The following TNS1 variants were observed in gnomAD, a reference collection of about 807,000 sequenced individuals.
TNS1 encodes tensin 1, also known as tensin-1.
Under a neutral mutation model 168.6 loss-of-function variants are expected in TNS1, and 62 were observed. That is an observed-to-expected ratio of 0.37 (90% CI 0.30 to 0.45). The LOEUF (loss-of-function observed/expected upper bound fraction) is 0.45, where lower values mean the gene tolerates loss of function less well. TNS1 is among the 20% of genes least tolerant of loss of function. The pLI is 1.00. For synonymous variants in TNS1, 934 were observed against 933.2 expected, an observed-to-expected ratio of 1.00 and a Z score of -0.02; for missense variants, 2,240 against 2,339.4, an observed-to-expected ratio of 0.96 and a Z score of 0.88.
intron 19 of TNS1, among the ~76,000 whole-genome samples, chr2:217,845,762 T>A (rs1305817839): frequency 6.6e-6 from 1 of 152,202 alleles, no homozygotes; most frequent in African/African-American, 2.4e-5. Context: ...CACTACAAGA[T>A]GGGCATCCTC....
At chr2:217,938,023 C>CACCTCTACGTG (rs1180893567) in intron 3 of TNS1, among the ~76,000 whole-genome samples, 2 of 152,260 alleles carry the variant, frequency 1.3e-5, no homozygotes, top group East Asian at 1.9e-4. Context: ...AGATAAGGCC[C>CACCTCTACGTG]ACCTCTACAT....
At chr2:217,905,362 C>A in intron 6 of TNS1, 3 of 450,516 alleles carry the variant, frequency 6.7e-6, no homozygotes, top group South Asian at 4.7e-5. Context: ...AGGCCCCATG[C>A]GGTCCATGGG....
In TNS1 at chr2:218,033,850, G is replaced by A. The variant is rs1271336086; in HGVS notation, c.126C>T (p.Ala42=). Among the ~76,000 whole-genome samples the A allele has an allele frequency of 6.6e-6, 1 of 152,178 alleles. No individual in the cohort carries two copies. Among genetic ancestry groups the A allele is most frequent in the Non-Finnish European group, 1.5e-5 (1 of 68,030 alleles). ...GCGGTAGCTGCCTTCTCTCTGCACA[G>A]GCCAAACCCCCGGACTCCCAGCACT... is the stretch of plus-strand genomic sequence containing the variant. Residue 42 remains alanine, a synonymous_variant, in exon 1 of 2, where the codon GCC becomes GCT. Transcript: ENST00000649572. The surrounding 1 kb of genome is among the most constrained non-coding windows in gnomAD (Gnocchi z 4.3).
chr2:217,979,053 C>G, intron 2 of TNS1: 1 of 467,158 alleles, frequency 2.1e-6, no homozygotes, highest in Non-Finnish European at 3.8e-6. Context: ...CAGAGCCCCT[C>G]CGGGTGCGGG....
chr2:217,863,435 A>C (rs963570565), intron 18 of TNS1, among the ~76,000 whole-genome samples: 2 of 152,168 alleles, frequency 1.3e-5, no homozygotes, highest in Non-Finnish European at 2.9e-5. Flanking sequence ...AATACACAGG[A>C]CAGACCCCCA....
rs1423986548 is a variant in TNS1 at position 217,882,344 on chromosome 2, A to G, written c.1312+2T>C. On this transcript the variant is annotated splice_donor_variant, in intron 17 of 32. Coordinates refer to ENST00000682258, the MANE Select transcript of TNS1 (RefSeq NM_001387777.1). LOFTEE classifies it high-confidence loss of function. The stretch of plus-strand genomic sequence containing the variant: ...GAGAATGAATTCTAACTCGGCTTAT[A>G]CCTTGAATTTTCTCTGGCCCATAAG... The G allele has an allele frequency of 6.3e-7, 1 of 1,596,576 alleles. No homozygotes were observed. Among genetic ancestry groups the G allele is most frequent in the Non-Finnish European group, 8.6e-7 (1 of 1,168,190 alleles).
At chr2:217,831,060 T>A (rs1399704529) in intron 22 of TNS1, among the ~76,000 whole-genome samples, 1 of 152,026 alleles carries the variant, frequency 6.6e-6, no homozygotes, top group Non-Finnish European at 1.5e-5. Flanking sequence ...AGCAGGGGCA[T>A]GCTTCTCTGA....
chr2:217,997,977 A>G (rs1958500774), intron 1 of TNS1, among the ~76,000 whole-genome samples: 1 of 152,192 alleles, frequency 6.6e-6, no homozygotes, highest in Non-Finnish European at 1.5e-5. Context: ...CCCCATTCCC[A>G]TGAACCAGCC....
At position 217,870,290 on chromosome 2, in the gene TNS1, G is replaced by A. The variant is rs1406707505; in HGVS notation, c.1429+10608C>T. 2.6e-5 allele frequency among the ~76,000 whole-genome samples: 4 copies of A among 152,162 alleles called. No individual in the cohort carries two copies. The East Asian group carries it at 7.7e-4, about 29-fold the overall frequency. ...TACCCCGTCTCCAGACAACCCCAGG[G>A]CACAGCTTTCTATATCCCCAGGGCT... On this transcript the variant is annotated intron_variant, in intron 18 of 32. Coordinates refer to ENST00000682258, the MANE Select transcript of TNS1 (RefSeq NM_001387777.1).
chr2:217,972,945 T>TAAATACATA (rs1957804942), intron 3 of TNS1, among the ~76,000 whole-genome samples: 2 of 152,158 alleles, frequency 1.3e-5, no homozygotes, highest in African/African-American at 4.8e-5. Flanking sequence ...CTTAAAATAA[T>TAAATACATA]AAATACATAA....
intron 22 of TNS1, among the ~76,000 whole-genome samples, chr2:217,823,479 T>A (rs1320471191): frequency 6.6e-6 from 1 of 152,172 alleles, no homozygotes; most frequent in Non-Finnish European, 1.5e-5. Context: ...GCTAGCAGGG[T>A]GCTTCCAGCC....
At chr2:217,976,171 C>T (rs1957888568) in intron 3 of TNS1, among the ~76,000 whole-genome samples, 1 of 152,176 alleles carries the variant, frequency 6.6e-6, no homozygotes, top group Admixed American at 6.5e-5. Context: ...ACTTGTTTGC[C>T]TATTTAGTGC....
At chr2:217,805,466 C>CCACACACCA (rs1559131495) in intron 32 of TNS1, among the ~76,000 whole-genome samples, 1,102 of 71,836 alleles carry the variant, frequency 0.015, 46 homozygotes, top group East Asian at 0.042. Flanking sequence ...ACACACACCA[C>CCACACACCA]CACACACACC....
At chr2:217,970,419 A>G (rs1313109663) in intron 3 of TNS1, among the ~76,000 whole-genome samples, 1 of 152,202 alleles carries the variant, frequency 6.6e-6, no homozygotes, top group East Asian at 1.9e-4. Flanking sequence ...GAGAAATGAA[A>G]ACAGATGTCC....
chr2:217,934,059 C>T (rs1226920756), intron 3 of TNS1, among the ~76,000 whole-genome samples: 1 of 152,180 alleles, frequency 6.6e-6, no homozygotes, highest in Non-Finnish European at 1.5e-5. Context: ...GCAGTAGCCT[C>T]TTTTCACATA....
Position 217,991,052 on chromosome 2 carries a change from T to C in TNS1, c.38A>G (p.Glu13Gly), listed in dbSNP as rs149308317. The C allele has an allele frequency of 0.017, 11,463 of 672,354 alleles. 139 individuals are homozygous for C. Among genetic ancestry groups the C allele is most frequent in the Non-Finnish European group, 0.023 (8,496 of 363,614 alleles). The allele number at this position is 672,354 out of a possible 1,614,324, so 41.6% of individuals were successfully genotyped here. Residue 13 changes from glutamate to glycine, a missense_variant, in exon 2 of 33, where the codon GAG (glutamate) becomes GGG (glycine). Coordinates refer to ENST00000682258, the MANE Select transcript of TNS1 (RefSeq NM_001387777.1). ...WICLSCMLWP[E>G]DLEAPKTHRF... ...GTGTGTCTTGGGGGCCTCCAGATCC[T>C]CTGGCTGTGGGAGGAGAGGCACAGA... is the stretch of plus-strand genomic sequence containing the variant.
intron 4 of TNS1, among the ~76,000 whole-genome samples, chr2:217,919,357 G>A (rs1341554251): frequency 1.3e-5 from 2 of 152,230 alleles, no homozygotes; most frequent in African/African-American, 2.4e-5. Context: ...GCCGACATTA[G>A]TACTGCCACA....
chr2:217,906,938 C>A (rs950879122), intron 5 of TNS1, among the ~76,000 whole-genome samples: 1 of 152,182 alleles, frequency 6.6e-6, no homozygotes, highest in African/African-American at 2.4e-5. Flanking sequence ...ATTTAACCAC[C>A]GGCTGCTCCC....
intron 6 of TNS1, among the ~76,000 whole-genome samples, chr2:217,902,178 G>T (rs1953076293): frequency 6.6e-6 from 1 of 152,160 alleles, no homozygotes. Context: ...CCCCCTCAGA[G>T]GAACACAGAA....
Sources: allele counts gnomAD v4.1 joint callset (sites outside exome capture counted in the v4.1 genomes callset), GRCh38; gene constraint gnomAD v4.1.1; non-coding constraint Gnocchi (gnomAD v3.1); transcripts MANE v1.5; gene names NCBI Gene and HGNC (gene_info 2026-07-23, HGNC 2026-07-21).